The following SDHC variants were observed in gnomAD, a reference collection of about 807,000 sequenced individuals.
The protein encoded by SDHC is succinate dehydrogenase cytochrome b560 subunit, mitochondrial.
A neutral mutation model predicts 22.6 loss-of-function variants in SDHC; 11 were observed. The observed-to-expected ratio is 0.49, with a 90% CI of 0.31 to 0.81. SDHC has a LOEUF of 0.81. Among genes scored for constraint, SDHC ranks in the 30% least tolerant of loss-of-function variants. The pLI is 0.05. For missense variants in SDHC, 160 were observed against 212.0 expected, an observed-to-expected ratio of 0.75 and a Z score of 1.52; for synonymous variants, 80 against 77.8, an observed-to-expected ratio of 1.03 and a Z score of -0.15.
At chr1:161,352,105 C>T (rs12745476) in intron 4 of SDHC, among the ~76,000 whole-genome samples, 57,720 of 152,026 alleles carry the variant, frequency 0.38, 12,339 homozygotes, top group African/African-American at 0.59. Flanking sequence ...TGAAATTGTT[C>T]AGCTGTTAGA....
intron 4 of SDHC, among the ~76,000 whole-genome samples, chr1:161,355,028 A>G (rs1672223528): frequency 6.6e-6 from 1 of 152,028 alleles, no homozygotes; most frequent in African/African-American, 2.4e-5. Context: ...TCTTATTTCT[A>G]ATTTGAGTTT....
At chr1:161,349,995 C>T (rs980424571) in intron 4 of SDHC, among the ~76,000 whole-genome samples, 3 of 152,146 alleles carry the variant, frequency 2.0e-5, no homozygotes, top group African/African-American at 7.2e-5. Context: ...ACTGCAACCT[C>T]CACCTCCTGG....
chr1:161,354,664 TG>T (rs1672206460), intron 4 of SDHC, among the ~76,000 whole-genome samples: 4 of 2,100 alleles, frequency 1.9e-3, no homozygotes, highest in African/African-American at 9.8e-3. Flanking sequence ...CTTATTTCTT[TG>T]TGTGTGTGTG....
At chr1:161,323,079 A>G (rs537506076) in intron 1 of SDHC, among the ~76,000 whole-genome samples, 1 of 152,032 alleles carries the variant, frequency 6.6e-6, no homozygotes, top group Admixed American at 6.5e-5. Context: ...GCTCACTGCA[A>G]GCTCCATGTC....
intron 3 of SDHC, among the ~76,000 whole-genome samples, chr1:161,332,328 A>G (rs543124116): frequency 1.2e-4 from 18 of 152,226 alleles, no homozygotes; most frequent in African/African-American, 2.6e-4. Context: ...TTCACATTTT[A>G]CTATAAAGAG....
chr1:161,349,940 C>T (rs187872873), intron 4 of SDHC, among the ~76,000 whole-genome samples: 67 of 152,146 alleles, frequency 4.4e-4, no homozygotes, highest in Non-Finnish European at 7.1e-4. Context: ...GACCAAGTTT[C>T]GCTCTTGTCT....
intron 3 of SDHC, among the ~76,000 whole-genome samples, chr1:161,328,757 C>T (rs1440512470): frequency 1.3e-5 from 2 of 152,102 alleles, no homozygotes; most frequent in South Asian, 2.1e-4. Flanking sequence ...TCTGGTAAGT[C>T]AAAATATAAT....
chr1:161,324,675 G>A (rs61618989), intron 2 of SDHC, among the ~76,000 whole-genome samples: 17,908 of 152,066 alleles, frequency 0.12, 1,439 homozygotes, highest in African/African-American at 0.22. Context: ...TAGTTCAGCC[G>A]AATACATATT....
At position 161,348,689 on chromosome 1, in the gene SDHC, T is replaced by C. The variant is rs551844487; in HGVS notation, c.242-7988T>C. 5.5e-3 allele frequency among the ~76,000 whole-genome samples: 6 copies of C among 1,092 alleles called. No homozygotes were observed. In the East Asian group the frequency reaches 0.13, roughly 24 times the overall value. 0.7% of individuals were successfully genotyped at this position (1,092 alleles called of 152,430 possible). ...TCCAAAAAAAAAAAAAAAAAAAAAT[T>C]AGCCAGTTGTGGGTGGCGCATGGCT... is the stretch of plus-strand genomic sequence containing the variant. On this transcript the variant is annotated intron_variant, in intron 4 of 5. Transcript: ENST00000367975.
intron 4 of SDHC, among the ~76,000 whole-genome samples, chr1:161,346,429 C>T (rs369633750): frequency 8.7e-5 from 13 of 149,820 alleles, no homozygotes; most frequent in Admixed American, 3.3e-4. Context: ...GACAGAGTTT[C>T]GCTTTTGTTG....
chr1:161,354,973 G>A (rs1056300451), intron 4 of SDHC, among the ~76,000 whole-genome samples: 8 of 152,150 alleles, frequency 5.3e-5, no homozygotes, highest in African/African-American at 1.9e-4. Flanking sequence ...GCCTCCCAAA[G>A]TGTTGGGATT....
At chr1:161,333,815 A>G (rs939031806) in intron 3 of SDHC, among the ~76,000 whole-genome samples, 2 of 152,210 alleles carry the variant, frequency 1.3e-5, no homozygotes, top group African/African-American at 4.8e-5. Context: ...CACCAGCACA[A>G]CATCCATATT....
At chr1:161,361,842 C>CAA (rs35337467) in intron 5 of SDHC, among the ~76,000 whole-genome samples, 1,150 of 53,958 alleles carry the variant, frequency 0.021, 85 homozygotes, top group African/African-American at 0.075. Context: ...GAGTCCGTCT[C>CAA]AAAAAAAAAA....
intron 4 of SDHC, among the ~76,000 whole-genome samples, chr1:161,354,663 T>TTGTGTGTGTGTGTG (rs60151629): frequency 3.4e-5 from 4 of 116,596 alleles, no homozygotes; most frequent in South Asian, 6.0e-4. Flanking sequence ...TCTTATTTCT[T>TTGTGTGTGTGTGTG]TGTGTGTGTG....
At chr1:161,315,538 G>A (rs1223786445) in intron 1 of SDHC, among the ~76,000 whole-genome samples, 1 of 152,088 alleles carries the variant, frequency 6.6e-6, no homozygotes, top group East Asian at 1.9e-4. Flanking sequence ...ATATATTTTG[G>A]TATCGATGTT....
chr1:161,329,482 C>T (rs1276157484), intron 3 of SDHC, among the ~76,000 whole-genome samples: 1 of 152,046 alleles, frequency 6.6e-6, no homozygotes, highest in Non-Finnish European at 1.5e-5. Flanking sequence ...CAGACATGAA[C>T]CTCCATGCCC....
At chr1:161,324,629 G>A (rs759415235) in intron 2 of SDHC, among the ~76,000 whole-genome samples, 39 of 151,950 alleles carry the variant, frequency 2.6e-4, no homozygotes, top group African/African-American at 3.9e-4. Context: ...TTTTATTTTT[G>A]TAGGTCAAAA....
chr1:161,320,828 ATTT>A (rs71270444), intron 1 of SDHC, among the ~76,000 whole-genome samples: 2 of 127,656 alleles, frequency 1.6e-5, no homozygotes, highest in Non-Finnish European at 1.6e-5. Context: ...TTCAGTCTTG[ATTT>A]TTTTTTTTTT....
chr1:161,354,212 T>A (rs1672188189), intron 4 of SDHC, among the ~76,000 whole-genome samples: 1 of 152,170 alleles, frequency 6.6e-6, no homozygotes, highest in African/African-American at 2.4e-5. Flanking sequence ...TCCTCCAACC[T>A]TAGAAATCAG....
Sources: allele counts gnomAD v4.1 joint callset (sites outside exome capture counted in the v4.1 genomes callset), GRCh38; gene constraint gnomAD v4.1.1; transcripts MANE v1.5; gene names NCBI Gene and HGNC (gene_info 2026-07-23, HGNC 2026-07-21).